Variants in RALYL observed in about 807,000 individuals in gnomAD.
The protein encoded by RALYL is RALY RNA binding protein like.
Under a neutral mutation model 35.1 loss-of-function variants are expected in RALYL, and 29 were observed. The observed-to-expected ratio is 0.83, with a 90% CI of 0.61 to 1.13. RALYL has a LOEUF of 1.13. Ranked by LOEUF, RALYL falls within the 50% of genes most tolerant of loss-of-function variation. The pLI is 0.00. For synonymous variants in RALYL, 120 were observed against 127.6 expected, an observed-to-expected ratio of 0.94 and a Z score of 0.40; for missense variants, 359 against 360.4, an observed-to-expected ratio of 1.00 and a Z score of 0.03.
At chr8:84,447,985 C>A (rs150812095) in intron 1 of RALYL, among the ~76,000 whole-genome samples, 27 of 151,492 alleles carry the variant, frequency 1.8e-4, no homozygotes, top group African/African-American at 5.8e-4. Flanking sequence ...ACAGAGAGAG[C>A]GAGAGTGAGG....
At chr8:84,720,954 T>A (rs1285731539) in intron 2 of RALYL, among the ~76,000 whole-genome samples, 1 of 152,094 alleles carries the variant, frequency 6.6e-6, no homozygotes, top group Non-Finnish European at 1.5e-5. Flanking sequence ...CTCACCCAGT[T>A]AAAATGGGTA....
intron 2 of RALYL, among the ~76,000 whole-genome samples, chr8:84,687,483 A>G (rs1180601734): frequency 6.6e-6 from 1 of 152,086 alleles, no homozygotes; most frequent in East Asian, 1.9e-4. Context: ...CTTATTCCAC[A>G]TGGATGATCA....
At chr8:84,294,673 AC>A (rs1839415950) in intron 1 of RALYL, among the ~76,000 whole-genome samples, 1 of 152,060 alleles carries the variant, frequency 6.6e-6, no homozygotes, top group African/African-American at 2.4e-5. Flanking sequence ...CCTTGTTATA[AC>A]AAAGGTCACC....
In RALYL at chr8:84,686,059, C is replaced by A. The variant is rs556121400; in HGVS notation, c.257-88520C>A. Reference sequence around the variant, plus strand: ...CCACTTAGCTTGGACACAGCTGGTGCAGTTTTTTTGCATTCCCCACATGTT... The same window carrying A: ...CCACTTAGCTTGGACACAGCTGGTGAAGTTTTTTTGCATTCCCCACATGTT... On this transcript the variant is annotated intron_variant, in intron 2 of 8. Transcript: ENST00000521268. Among the ~76,000 whole-genome samples the A allele has an allele frequency of 1.8e-3, 270 of 152,276 alleles. 1 individual carries two copies. Among genetic ancestry groups the A allele is most frequent in the African/African-American group, 6.0e-3 (248 of 41,572 alleles).
chr8:84,274,542 G>A lies in RALYL; in HGVS notation c.-24+90118G>A, dbSNP rs191199104. On this transcript the variant is annotated intron_variant, in intron 1 of 8. Coordinates refer to ENST00000521268, the MANE Select transcript of RALYL (RefSeq NM_173848.7). ...TAAAAGTAGAAGCACAAATTTTTGC[G>A]CCTGAGTCTTTTTTGGGCAATAAAG... 9.9e-4 allele frequency among the ~76,000 whole-genome samples: 150 copies of A among 152,082 alleles called. 2 individuals are homozygous for A. The highest frequency in any genetic ancestry group is 1.4e-3 in the Admixed American group (22 of 15,270).
intron 2 of RALYL, among the ~76,000 whole-genome samples, chr8:84,629,424 G>C (rs540708797): frequency 6.6e-6 from 1 of 152,010 alleles, no homozygotes; most frequent in Non-Finnish European, 1.5e-5. Context: ...TTCACCCTAG[G>C]AAAATAAGTG....
At chr8:84,637,630 G>A (rs960433069) in intron 2 of RALYL, among the ~76,000 whole-genome samples, 12 of 151,950 alleles carry the variant, frequency 7.9e-5, no homozygotes, top group Middle Eastern at 3.4e-3. Flanking sequence ...AATTTGGAGT[G>A]GAAGGCATGA....
At chr8:84,527,998 T>C (rs2059022624) in intron 1 of RALYL, among the ~76,000 whole-genome samples, 1 of 152,108 alleles carries the variant, frequency 6.6e-6, no homozygotes, top group South Asian at 2.1e-4. Context: ...ATTTCAGGAG[T>C]ATCTGTTTTA....
chr8:84,236,840 G>A (rs1826686529), intron 1 of RALYL, among the ~76,000 whole-genome samples: 1 of 152,130 alleles, frequency 6.6e-6, no homozygotes. Flanking sequence ...AACACAGGTA[G>A]AATATAATAA....
chr8:84,791,229 G>C (rs1820707721), intron 3 of RALYL, among the ~76,000 whole-genome samples: 2 of 152,146 alleles, frequency 1.3e-5, no homozygotes, highest in Non-Finnish European at 2.9e-5. Flanking sequence ...GCCGTGAAGG[G>C]GGTGATGAGC....
intron 1 of RALYL, among the ~76,000 whole-genome samples, chr8:84,273,016 C>A (rs901221018): frequency 6.6e-6 from 1 of 152,170 alleles, no homozygotes; most frequent in Non-Finnish European, 1.5e-5. Flanking sequence ...AATTATTCAG[C>A]CTACTTAGAT....
intron 1 of RALYL, among the ~76,000 whole-genome samples, chr8:84,413,574 T>G (rs933007082): frequency 6.6e-6 from 1 of 152,038 alleles, no homozygotes; most frequent in African/African-American, 2.4e-5. Flanking sequence ...CACTTTGCCT[T>G]TTATTTAATG....
At chr8:84,213,469 G>A (rs1379440370) in intron 1 of RALYL, among the ~76,000 whole-genome samples, 1 of 152,084 alleles carries the variant, frequency 6.6e-6, no homozygotes, top group Non-Finnish European at 1.5e-5. Context: ...TCTGCAAATA[G>A]TAAAAGTTTG....
At chr8:84,345,925 A>G (rs555819065) in intron 1 of RALYL, among the ~76,000 whole-genome samples, 1 of 151,992 alleles carries the variant, frequency 6.6e-6, no homozygotes, top group African/African-American at 2.4e-5. Flanking sequence ...GCTTTTTACT[A>G]TTTTACTCAT....
At chr8:84,228,826 G>A (rs1391421154) in intron 1 of RALYL, among the ~76,000 whole-genome samples, 3 of 152,082 alleles carry the variant, frequency 2.0e-5, no homozygotes, top group Admixed American at 1.3e-4. Context: ...GAGTGAAGGG[G>A]GAAGCCCCTT....
chr8:84,747,981 T>C (rs1301660880), intron 2 of RALYL, among the ~76,000 whole-genome samples: 1 of 151,986 alleles, frequency 6.6e-6, no homozygotes, highest in African/African-American at 2.4e-5. Context: ...AATCCATATA[T>C]TTCTGTTGGG....
chr8:84,886,456 T>C (rs1842928626), intron 7 of RALYL, among the ~76,000 whole-genome samples: 1 of 152,130 alleles, frequency 6.6e-6, no homozygotes, highest in Non-Finnish European at 1.5e-5. Flanking sequence ...TTTATTGTCA[T>C]AAATTATCAA....
intron 8 of RALYL, among the ~76,000 whole-genome samples, chr8:84,907,310 TCACA>T (rs71273918): frequency 0.024 from 3,566 of 148,058 alleles, 45 homozygotes; most frequent in Middle Eastern, 0.054. Flanking sequence ...AGATATAGCG[TCACA>T]CACACACACA....
intron 2 of RALYL, among the ~76,000 whole-genome samples, chr8:84,613,483 G>A (rs376830885): frequency 4.6e-5 from 7 of 151,308 alleles, no homozygotes; most frequent in South Asian, 4.1e-4. Context: ...CAGGTACCTC[G>A]CATGTGGTAA....
Sources: gnomAD v4.1 joint callset for allele counts (sites outside exome capture counted in the v4.1 genomes callset) on GRCh38, gnomAD v4.1.1 for gene constraint, MANE v1.5 for transcripts, NCBI Gene and HGNC (gene_info 2026-07-23, HGNC 2026-07-21) for gene names.